The following RAB27B variants were observed in gnomAD, a reference collection of about 807,000 sequenced individuals.
The protein encoded by RAB27B is ras-related protein Rab-27B.
A neutral mutation model predicts 24.6 loss-of-function variants in RAB27B; 15 were observed. The ratio of observed to expected loss-of-function variants is 0.61; its 90% CI spans 0.41 to 0.94. The LOEUF (loss-of-function observed/expected upper bound fraction) is 0.94. RAB27B is among the 40% of genes least tolerant of loss of function. The pLI is 0.00. For missense variants in RAB27B, 261 were observed against 266.8 expected, an observed-to-expected ratio of 0.98 and a Z score of 0.15; for synonymous variants, 105 against 92.5, an observed-to-expected ratio of 1.14 and a Z score of -0.78.
chr18:54,886,927 A>C (rs1222905688), intron 4 of RAB27B, among the ~76,000 whole-genome samples: 1 of 151,704 alleles, frequency 6.6e-6, no homozygotes, highest in East Asian at 1.9e-4. Context: ...CCTCAAAAAC[A>C]CAGCTTGACA....
chr18:54,752,756 T>C (rs1307305943), intron 2 of RAB27B, among the ~76,000 whole-genome samples: 2 of 152,176 alleles, frequency 1.3e-5, no homozygotes, highest in Non-Finnish European at 2.9e-5. Context: ...AGATGCGTGC[T>C]GTTGTGGCCA....
At chr18:54,768,305 GTGGCTGGAAGCAGCAATATGTGGCAA>G (rs1384647111) in intron 2 of RAB27B, among the ~76,000 whole-genome samples, 8 of 152,176 alleles carry the variant, frequency 5.3e-5, no homozygotes, top group Non-Finnish European at 1.5e-5. Flanking sequence ...TATGTGGCTT[GTGGCTGGAAGCAGCAATATGTGGCAA>G]TGGCTGCATG....
At chr18:54,833,669 C>T (rs879560089) in intron 1 of RAB27B, among the ~76,000 whole-genome samples, 1 of 152,152 alleles carries the variant, frequency 6.6e-6, no homozygotes. Flanking sequence ...AGACTAATGG[C>T]AGAAGTTGTC....
Position 54,814,150 on chromosome 18 carries a change from A to C in RAB27B, c.-19-63417A>C, listed in dbSNP as rs1338172435. 2.6e-5 allele frequency among the ~76,000 whole-genome samples: 4 copies of C among 152,298 alleles called. No homozygotes were observed. The South Asian group carries it at 8.3e-4, about 32-fold the overall frequency. On this transcript the variant is annotated intron_variant, in intron 2 of 4. Transcript: ENST00000586570. ...GATGAACAGTAATTTATTTAACCAA[A>C]TCCTCTATTGTTAGGGACAGCAAAC...
chr18:54,788,014 C>A (rs7242853), intron 2 of RAB27B, among the ~76,000 whole-genome samples: 57,789 of 152,048 alleles, frequency 0.38, 11,252 homozygotes, highest in South Asian at 0.48. Flanking sequence ...AAAAGATCAA[C>A]TTTGAGTGTG....
chr18:54,779,128 G>A (rs987541831), intron 2 of RAB27B, among the ~76,000 whole-genome samples: 8 of 152,218 alleles, frequency 5.3e-5, no homozygotes, highest in Middle Eastern at 3.4e-3. Context: ...ATGAGCCACC[G>A]TACCTGGCGC....
rs1398222572 is a variant in RAB27B at position 54,892,830 on chromosome 18, C to T, written c.*3417C>T. 6.6e-6 allele frequency: 1 copy of T among 152,088 alleles called. No homozygotes were observed. Among genetic ancestry groups the T allele is most frequent in the Non-Finnish European group, 1.5e-5 (1 of 67,972 alleles). 9.4% of individuals were successfully genotyped at this position (152,088 alleles called of 1,614,324 possible). ...CCAGATAGGTGTCTTTGTCATCCTT[C>T]TACTATAAATTGTTCTTTGCCAACC... On this transcript the variant is annotated 3_prime_UTR_variant, in exon 6 of 6. Coordinates refer to ENST00000262094, the MANE Select transcript of RAB27B (RefSeq NM_004163.4).
chr18:54,843,800 G>T (rs1167854802), intron 1 of RAB27B, among the ~76,000 whole-genome samples: 1 of 152,160 alleles, frequency 6.6e-6, no homozygotes, highest in African/African-American at 2.4e-5. Context: ...TTTCTGAAAT[G>T]TTTCTTCAAA....
chr18:54,871,869 A>G (rs1339791102), intron 1 of RAB27B, among the ~76,000 whole-genome samples: 1 of 150,158 alleles, frequency 6.7e-6, no homozygotes, highest in East Asian at 1.9e-4. Context: ...AAAAAAAAAA[A>G]GAAATATTAA....
Position 54,889,716 on chromosome 18 carries a change from A to G in RAB27B, c.*303A>G. ...AAGACAATATACAAGAAGAAATATCAGTGAGTTTTAAATCAGAACAAGTTA... is the reference window on the plus strand; with the variant it reads ...AAGACAATATACAAGAAGAAATATCGGTGAGTTTTAAATCAGAACAAGTTA... On this transcript the variant is annotated 3_prime_UTR_variant, in exon 6 of 6. Coordinates refer to ENST00000262094, the MANE Select transcript of RAB27B (RefSeq NM_004163.4). 5.1e-6 allele frequency: 1 copy of G among 195,640 alleles called. No individual in the cohort carries two copies. Among genetic ancestry groups the G allele is most frequent in the Non-Finnish European group, 1.0e-5 (1 of 96,932 alleles). The allele number at this position is 195,640 out of a possible 1,614,324, so 12.1% of individuals were successfully genotyped here. A position where few individuals can be genotyped will look rare whatever the true frequency, so the allele number is the denominator to read the frequency against.
At position 54,831,465 on chromosome 18, in the gene RAB27B, A is replaced by G. The variant is rs571194914; in HGVS notation, c.-20+2765A>G. Among the ~76,000 whole-genome samples the G allele has an allele frequency of 2.6e-5, 4 of 152,316 alleles. No individual in the cohort carries two copies. In the East Asian group the frequency reaches 7.7e-4, roughly 29 times the overall value. The stretch of plus-strand genomic sequence containing the variant: ...TTTGTTTTTTATTCCAAGTAAAATG[A>G]CAAAACACTATGATTTAGATATAGC... On this transcript the variant is annotated intron_variant, in intron 1 of 5. Transcript: ENST00000262094.
rs118190698 is a variant in RAB27B at position 54,813,028 on chromosome 18, A to G, written c.-19-64539A>G. Among the ~76,000 whole-genome samples, 404 of 152,316 alleles carry G rather than the reference A, an allele frequency of 2.7e-3. 8 individuals carry two copies. The East Asian group carries it at 0.052, about 20-fold the overall frequency. On this transcript the variant is annotated intron_variant, in intron 2 of 4. Transcript: ENST00000586570. ...TAATTCAGAGAAGAAACAAAATGTC[A>G]TGGCATAGAAATATGCTAACACCTT... is the stretch of plus-strand genomic sequence containing the variant.
At chr18:54,875,304 A>G (rs1912648067) in intron 1 of RAB27B, among the ~76,000 whole-genome samples, 1 of 152,154 alleles carries the variant, frequency 6.6e-6, no homozygotes, top group African/African-American at 2.4e-5. Context: ...TTTAGCCTAG[A>G]TGACAGAGTG....
At chr18:54,798,656 G>T (rs975655451) in intron 2 of RAB27B, among the ~76,000 whole-genome samples, 1 of 152,198 alleles carries the variant, frequency 6.6e-6, no homozygotes, top group Non-Finnish European at 1.5e-5. Context: ...GACAGTAGTG[G>T]CAGCGTTTCA....
intron 2 of RAB27B, among the ~76,000 whole-genome samples, chr18:54,753,304 A>G (rs1907895107): frequency 6.6e-6 from 1 of 152,228 alleles, no homozygotes; most frequent in Non-Finnish European, 1.5e-5. Flanking sequence ...GTGAGAAACC[A>G]GCAGCATATT....
intron 2 of RAB27B, among the ~76,000 whole-genome samples, chr18:54,740,189 T>C (rs1910030939): frequency 6.6e-6 from 1 of 152,202 alleles, no homozygotes; most frequent in African/African-American, 2.4e-5. Context: ...ACTTGATTGA[T>C]TCTGGATAAG....
chr18:54,720,928 C>T (rs1390285015), intron 2 of RAB27B, among the ~76,000 whole-genome samples: 1 of 151,970 alleles, frequency 6.6e-6, no homozygotes, highest in Non-Finnish European at 1.5e-5. Context: ...TATGATTTCC[C>T]CTTAAATAAA....
intron 1 of RAB27B, among the ~76,000 whole-genome samples, chr18:54,872,807 T>C (rs928383155): frequency 6.6e-6 from 1 of 152,140 alleles, no homozygotes; most frequent in Non-Finnish European, 1.5e-5. Flanking sequence ...ATCATGACAT[T>C]TGCATGGCTG....
At chr18:54,832,006 C>A (rs2145185240) in intron 1 of RAB27B, among the ~76,000 whole-genome samples, 1 of 152,258 alleles carries the variant, frequency 6.6e-6, no homozygotes, top group East Asian at 1.9e-4. Flanking sequence ...GATCTGCTGA[C>A]CTCATGATCT....
Sources: allele counts gnomAD v4.1 joint callset (sites outside exome capture counted in the v4.1 genomes callset), GRCh38; gene constraint gnomAD v4.1.1; transcripts MANE v1.5; gene names NCBI Gene and HGNC (gene_info 2026-07-23, HGNC 2026-07-21).